FER: variants seen among roughly 807,000 people sequenced by gnomAD.
The protein encoded by FER is tyrosine-protein kinase Fer.
FER carries 63 observed loss-of-function variants against 111.0 expected under a neutral mutation model. The observed-to-expected ratio is 0.57, with a 90% CI of 0.46 to 0.70. The LOEUF is 0.70. FER is among the 30% of genes least tolerant of loss of function. FER has a pLI of 0.00. For synonymous variants in FER, 327 were observed against 313.9 expected, an observed-to-expected ratio of 1.04 and a Z score of -0.44; for missense variants, 914 against 954.0, an observed-to-expected ratio of 0.96 and a Z score of 0.55.
chr5:108,878,645 A>C (rs1221766414), intron 8 of FER, among the ~76,000 whole-genome samples: 2 of 152,138 alleles, frequency 1.3e-5, no homozygotes, highest in Non-Finnish European at 2.9e-5. Flanking sequence ...CTCTAAGCTT[A>C]TAAAATTGGA....
At chr5:109,032,430 A>G (rs1023682903) in intron 13 of FER, among the ~76,000 whole-genome samples, 1 of 152,070 alleles carries the variant, frequency 6.6e-6, no homozygotes, top group Admixed American at 6.6e-5. Flanking sequence ...AGTTTCCTGT[A>G]TTACATCTCT....
Position 108,787,289 on chromosome 5 carries a change from C to T in FER, c.-59-10835C>T, listed in dbSNP as rs149784513. Among the ~76,000 whole-genome samples the T allele has an allele frequency of 4.9e-3, 746 of 152,328 alleles. 6 individuals are homozygous for T. The highest frequency in any genetic ancestry group is 0.02 in the Middle Eastern group (6 of 294). On this transcript the variant is annotated intron_variant, in intron 2 of 19. Coordinates refer to ENST00000281092, the MANE Select transcript of FER (RefSeq NM_005246.4). ...GCCAGCCCCTTGCCACCATCGTCCC[C>T]TCTGGACTTTGGGTATCGACAAGCG...
At chr5:108,785,886 A>G (rs982993579) in intron 2 of FER, among the ~76,000 whole-genome samples, 1 of 152,156 alleles carries the variant, frequency 6.6e-6, no homozygotes, top group African/African-American at 2.4e-5. Context: ...TAGGGTTACA[A>G]AGGAGTTTGC....
intron 16 of FER, among the ~76,000 whole-genome samples, chr5:109,053,908 G>A (rs1251972654): frequency 6.6e-6 from 1 of 151,908 alleles, no homozygotes; most frequent in Non-Finnish European, 1.5e-5. Context: ...AGCCAGGATG[G>A]TCTCGATCTC....
chr5:109,046,851 CA>C (rs1772056807), intron 15 of FER, among the ~76,000 whole-genome samples: 1 of 151,894 alleles, frequency 6.6e-6, no homozygotes, highest in South Asian at 2.1e-4. Flanking sequence ...AATATTGCAC[CA>C]TTTTGTGTAA....
chr5:109,185,474 G>C (rs1328533059), intron 18 of FER, among the ~76,000 whole-genome samples: 1 of 152,184 alleles, frequency 6.6e-6, no homozygotes, highest in Non-Finnish European at 1.5e-5. Flanking sequence ...TTAATGGAAA[G>C]AAAACGAAGT....
chr5:108,806,690 C>T (rs1191760973), intron 3 of FER, among the ~76,000 whole-genome samples: 3 of 152,218 alleles, frequency 2.0e-5, no homozygotes, highest in Non-Finnish European at 4.4e-5. Flanking sequence ...TTCAGACTTG[C>T]ATGGGGTCTG....
chr5:108,906,379 T>TC (rs1750766995), intron 10 of FER, among the ~76,000 whole-genome samples: 1 of 152,186 alleles, frequency 6.6e-6, no homozygotes, highest in Non-Finnish European at 1.5e-5. Context: ...AGATGATAGG[T>TC]AAGCATGTTT....
At chr5:109,020,178 G>A (rs1388611958) in intron 13 of FER, among the ~76,000 whole-genome samples, 1 of 135,232 alleles carries the variant, frequency 7.4e-6, no homozygotes, top group African/African-American at 2.5e-5. Flanking sequence ...GTAGTTTTAA[G>A]TATGAATTTC....
chr5:108,880,627 G>A (rs1467714530), intron 8 of FER, among the ~76,000 whole-genome samples: 1 of 151,950 alleles, frequency 6.6e-6, no homozygotes, highest in African/African-American at 2.4e-5. Flanking sequence ...GTCAGAATAT[G>A]AACTATTCCA....
intron 13 of FER, among the ~76,000 whole-genome samples, chr5:108,978,532 A>G (rs954983802): frequency 6.6e-6 from 1 of 152,234 alleles, no homozygotes; most frequent in Non-Finnish European, 1.5e-5. Context: ...CTTGCATACA[A>G]TTCACAAGCA....
At chr5:109,063,164 G>GTTTTC (rs774698357) in intron 16 of FER, among the ~76,000 whole-genome samples, 1 of 151,884 alleles carries the variant, frequency 6.6e-6, no homozygotes, top group Non-Finnish European at 1.5e-5. Flanking sequence ...GTCAAAATTC[G>GTTTTC]TTTTCTTTTA....
At chr5:109,052,331 A>T (rs2149930549) in intron 16 of FER, 1 of 1,601,684 alleles carries the variant, frequency 6.2e-7, no homozygotes, top group Middle Eastern at 1.7e-4. Context: ...CCCCAGGCTG[A>T]CTCAACCACT....
At chr5:109,176,539 A>G (rs1353023498) in intron 17 of FER, among the ~76,000 whole-genome samples, 6 of 152,178 alleles carry the variant, frequency 3.9e-5, no homozygotes, top group Non-Finnish European at 7.3e-5. Flanking sequence ...AAATATAGCT[A>G]TATAGAAAGA....
At chr5:108,772,480 G>A (rs1443712621) in intron 2 of FER, among the ~76,000 whole-genome samples, 1 of 151,106 alleles carries the variant, frequency 6.6e-6, no homozygotes, top group Non-Finnish European at 1.5e-5. Context: ...TCTTTTAAGA[G>A]ATAAGATTTG....
intron 16 of FER, among the ~76,000 whole-genome samples, chr5:109,091,133 A>G (rs1044933541): frequency 6.6e-6 from 1 of 152,250 alleles, no homozygotes; most frequent in African/African-American, 2.4e-5. Context: ...GAAGGAAGAC[A>G]GAGGCTATTC....
chr5:109,174,465 A>G (rs548054084), intron 17 of FER, among the ~76,000 whole-genome samples: 7 of 152,032 alleles, frequency 4.6e-5, no homozygotes, highest in South Asian at 2.1e-4. Flanking sequence ...TACCACCTCT[A>G]TTGCCAAAGA....
At chr5:108,945,956 T>C (rs1756926597) in intron 10 of FER, among the ~76,000 whole-genome samples, 174 bp from the exon 11 acceptor site, 1 of 152,102 alleles carries the variant, frequency 6.6e-6, no homozygotes, top group Non-Finnish European at 1.5e-5. Context: ...TAAAGTAAAA[T>C]GCTATAGAGT....
chr5:108,863,357 G>A (rs1763720922), intron 5 of FER, among the ~76,000 whole-genome samples: 1 of 152,282 alleles, frequency 6.6e-6, no homozygotes, highest in African/African-American at 2.4e-5. Context: ...CTGACCTCAA[G>A]TAATCCGCCC....
Sources: allele counts gnomAD v4.1 joint callset (sites outside exome capture counted in the v4.1 genomes callset), GRCh38; gene constraint gnomAD v4.1.1; transcripts MANE v1.5; gene names NCBI Gene and HGNC (gene_info 2026-07-23, HGNC 2026-07-21).